Variants in DCAF12 observed in about 807,000 individuals in gnomAD.
DCAF12 encodes the protein DDB1 and CUL4 associated factor 12, also known as DDB1- and CUL4-associated factor 12.
In DCAF12, 28 loss-of-function variants were observed where a neutral mutation model predicts 52.8. The observed-to-expected ratio is 0.53, with a 90% CI of 0.39 to 0.73. DCAF12 has a LOEUF of 0.73. Ranked by LOEUF, DCAF12 falls within the 30% of genes least tolerant of loss-of-function variation. The pLI is 0.00. For missense variants in DCAF12, 425 were observed against 552.2 expected (o/e 0.77, Z 2.31); for synonymous variants, 196 against 215.5 (o/e 0.91, Z 0.79).
chr9:34,088,970 C>T (rs1273800779), intron 8 of DCAF12, among the ~76,000 whole-genome samples: 1 of 151,804 alleles, frequency 6.6e-6, no homozygotes, highest in Non-Finnish European at 1.5e-5. Context: ...ATTAGCCGGG[C>T]ACAGTGCATA....
At chr9:34,109,831 C>T (rs763501013) in intron 2 of DCAF12, 12 of 326,330 alleles carry the variant, frequency 3.7e-5, no homozygotes, top group Admixed American at 1.2e-4. Flanking sequence ...CTTTAGGGGT[C>T]GGAAGCAGAT....
chr9:34,104,536 T>C (rs987564852), intron 4 of DCAF12, among the ~76,000 whole-genome samples: 2 of 152,136 alleles, frequency 1.3e-5, no homozygotes, highest in African/African-American at 2.4e-5. Context: ...AGTGAGAAAA[T>C]TAGATAACTG....
In DCAF12 at chr9:34,088,198, G is replaced by T; in HGVS notation, c.*152C>A. On this transcript the variant is annotated 3_prime_UTR_variant, in exon 9 of 9. Transcript: ENST00000361264. Reference sequence around the variant, plus strand: ...AACAACTTTCAGATTTCTGTACAGAGCTTCTTCCTATTAAGTGCCTAAACT... The same window carrying T: ...AACAACTTTCAGATTTCTGTACAGATCTTCTTCCTATTAAGTGCCTAAACT... 1.4e-6 allele frequency: 1 copy of T among 735,732 alleles called. No individual in the cohort carries two copies. The highest frequency in any genetic ancestry group is 2.1e-6 in the Non-Finnish European group (1 of 481,426). The allele number at this position is 735,732 out of a possible 1,614,324, so 45.6% of individuals were successfully genotyped here. A position where few individuals can be genotyped will look rare whatever the true frequency, so the allele number is the denominator to read the frequency against.
Position 34,094,580 on chromosome 9 carries a change from G to C in DCAF12, c.862-1132C>G, listed in dbSNP as rs554963822. ...GAGTCTCGCACTGTCGCCCAGGCTG[G>C]AGTACAGTGGCGCGATCTCAGCTCA... On this transcript the variant is annotated intron_variant, in intron 6 of 8. Coordinates refer to ENST00000361264, the MANE Select transcript of DCAF12 (RefSeq NM_015397.4). Among the ~76,000 whole-genome samples, 15 of 150,396 alleles carry C rather than the reference G, an allele frequency of 1.0e-4. No individual in the cohort carries two copies. In the East Asian group the frequency reaches 3.0e-3, roughly 30 times the overall value.
intron 6 of DCAF12, among the ~76,000 whole-genome samples, chr9:34,095,343 G>A (rs990213437): frequency 7.0e-6 from 1 of 143,786 alleles, no homozygotes; most frequent in Admixed American, 7.2e-5. Context: ...AAAGTGCTGG[G>A]ATTATAGGCG....
At chr9:34,089,370 C>T in intron 8 of DCAF12, 42 bp downstream of exon 8, 1 of 1,542,746 alleles carries the variant, frequency 6.5e-7, no homozygotes, top group Non-Finnish European at 8.8e-7. Context: ...GATAATTTTT[C>T]TGTTACTGTG....
chr9:34,097,241 T>G (rs1272594060), intron 5 of DCAF12, among the ~76,000 whole-genome samples: 1 of 150,824 alleles, frequency 6.6e-6, no homozygotes, highest in East Asian at 1.9e-4. Flanking sequence ...GCTCTGGGTG[T>G]ATATTCTGAC....
intron 4 of DCAF12, among the ~76,000 whole-genome samples, chr9:34,102,655 A>C (rs1398933996): frequency 9.2e-6 from 1 of 108,936 alleles, no homozygotes. Flanking sequence ...TCTCAAAACA[A>C]ACACACAAAC....
At chr9:34,101,410 G>A (rs1237317945) in intron 4 of DCAF12, among the ~76,000 whole-genome samples, 1 of 148,106 alleles carries the variant, frequency 6.8e-6, no homozygotes, top group African/African-American at 2.5e-5. Context: ...TTTTGGTGGT[G>A]GGACAGAGTT....
intron 6 of DCAF12, among the ~76,000 whole-genome samples, chr9:34,095,402 A>C (rs1376288075): frequency 1.3e-5 from 1 of 74,388 alleles, no homozygotes; most frequent in African/African-American, 5.4e-5. Flanking sequence ...TTTTTTTGAG[A>C]TAGGGTCTCG....
In DCAF12 at chr9:34,088,197, A is replaced by C; in HGVS notation, c.*153T>G. On this transcript the variant is annotated 3_prime_UTR_variant, in exon 9 of 9. Coordinates refer to ENST00000361264, the MANE Select transcript of DCAF12 (RefSeq NM_015397.4). ...AAACAACTTTCAGATTTCTGTACAGAGCTTCTTCCTATTAAGTGCCTAAAC... is the reference window on the plus strand; with the variant it reads ...AAACAACTTTCAGATTTCTGTACAGCGCTTCTTCCTATTAAGTGCCTAAAC... The C allele has an allele frequency of 2.8e-6, 2 of 716,800 alleles. No homozygotes were observed. Among genetic ancestry groups the C allele is most frequent in the Non-Finnish European group, 4.3e-6 (2 of 466,234 alleles). The allele number at this position is 716,800 out of a possible 1,614,324, so 44.4% of individuals were successfully genotyped here.
In DCAF12 at chr9:34,106,424, G is replaced by A. The variant is rs756982062; in HGVS notation, c.601+10C>T. 6.2e-7 allele frequency: 1 copy of A among 1,600,366 alleles called. No homozygotes were observed. The highest frequency in any genetic ancestry group is 8.5e-7 in the Non-Finnish European group (1 of 1,170,516). On this transcript the variant is annotated intron_variant, in intron 4 of 8. Coordinates refer to ENST00000361264, the MANE Select transcript of DCAF12 (RefSeq NM_015397.4). ...CACATCAAAAGCTCCCTATAAAAGGGCAACTTTACCAGACACTGCCATAGT... is the reference window on the plus strand; with the variant it reads ...CACATCAAAAGCTCCCTATAAAAGGACAACTTTACCAGACACTGCCATAGT...
At chr9:34,092,256 A>G (rs144010083) in intron 7 of DCAF12, among the ~76,000 whole-genome samples, 31 of 152,370 alleles carry the variant, frequency 2.0e-4, no homozygotes, top group African/African-American at 7.0e-4. Context: ...CACAATCTAC[A>G]TAATGAACAT....
At chr9:34,124,258 G>A (rs1425135853) in intron 2 of DCAF12, among the ~76,000 whole-genome samples, 2 of 152,174 alleles carry the variant, frequency 1.3e-5, no homozygotes, top group African/African-American at 2.4e-5. Flanking sequence ...AGGGCTGGGC[G>A]TAATCATTTC....
chr9:34,105,724 TTTATCTATCTATC>T (rs1240662474), intron 4 of DCAF12, among the ~76,000 whole-genome samples: 3 of 152,014 alleles, frequency 2.0e-5, no homozygotes, highest in African/African-American at 4.8e-5. Context: ...TACTTCCTTT[TTTATCTATCTATC>T]TTATCTATCT....
chr9:34,120,489 G>A (rs949836060), intron 2 of DCAF12, among the ~76,000 whole-genome samples: 24 of 151,634 alleles, frequency 1.6e-4, no homozygotes, highest in Admixed American at 9.2e-4. Context: ...TGGCCAGCAT[G>A]GTGAAACCCC....
intron 7 of DCAF12, among the ~76,000 whole-genome samples, chr9:34,092,182 T>C (rs1322211192): frequency 6.6e-6 from 1 of 152,238 alleles, no homozygotes; most frequent in African/African-American, 2.4e-5. Context: ...TGTCATACAA[T>C]ATACGACACA....
At position 34,098,404 on chromosome 9, in the gene DCAF12, C is replaced by T. The variant is rs776264815; in HGVS notation, c.715G>A (p.Ala239Thr). The change falls in exon 5 of 9, where the codon GCC (alanine) becomes ACC (threonine). Residue 239 changes from alanine to threonine, a missense_variant. Ala to Thr is a moderately conservative substitution (Grantham distance 58). Around this residue, in one of 3 missense-constraint regions of DCAF12, gnomAD observed 328 missense variants for 444.4 expected, o/e 0.74. Coordinates refer to ENST00000361264, the MANE Select transcript of DCAF12 (RefSeq NM_015397.4). ...VPVYAHITHK[A>T]LKDIPKEDTN... ...TCTTCTTTGGGGATGTCCTTTAAGGCCTTGTGAGTGATGTGTGCATACACA... is the reference window on the plus strand; with the variant it reads ...TCTTCTTTGGGGATGTCCTTTAAGGTCTTGTGAGTGATGTGTGCATACACA... 1 of 1,614,098 alleles carries T rather than the reference C, an allele frequency of 6.2e-7. No homozygotes were observed. Among genetic ancestry groups the T allele is most frequent in the African/African-American group, 1.3e-5 (1 of 74,938 alleles).
At chr9:34,108,239 A>T (rs1216508787) in intron 2 of DCAF12, among the ~76,000 whole-genome samples, 1 of 152,204 alleles carries the variant, frequency 6.6e-6, no homozygotes, top group Non-Finnish European at 1.5e-5. Context: ...TAGAAGAGTC[A>T]AACTCTTCAG....
Sources: allele counts gnomAD v4.1 joint callset (sites outside exome capture counted in the v4.1 genomes callset), GRCh38; gene constraint gnomAD v4.1.1; regional missense constraint gnomAD v4.1.1; transcripts MANE v1.5; gene names NCBI Gene and HGNC (gene_info 2026-07-23, HGNC 2026-07-21).